The following CDH4 variants were observed in gnomAD, a reference collection of about 807,000 sequenced individuals.
CDH4 encodes the protein cadherin-4.
Under a neutral mutation model 86.0 loss-of-function variants are expected in CDH4, and 33 were observed. That is an observed-to-expected ratio of 0.38 (90% CI 0.29 to 0.51). CDH4 has a LOEUF of 0.51. Among genes scored for constraint, CDH4 ranks in the 20% least tolerant of loss-of-function variants. The pLI, the probability that CDH4 is intolerant of heterozygous loss-of-function variation, is 0.86. For synonymous variants in CDH4, 555 were observed against 549.4 expected (o/e 1.01, Z -0.14); for missense variants, 1,114 against 1,307.4 (o/e 0.85, Z 2.28).
intron 2 of CDH4, among the ~76,000 whole-genome samples, chr20:61,382,522 G>T (rs2084908993): frequency 6.6e-6 from 1 of 152,186 alleles, no homozygotes; most frequent in African/African-American, 2.4e-5. Flanking sequence ...CCTTCTATTG[G>T]CTTCCCAGGG....
chr20:61,537,454 CG>C (rs1272367927), intron 2 of CDH4, among the ~76,000 whole-genome samples: 1 of 152,078 alleles, frequency 6.6e-6, no homozygotes, highest in Non-Finnish European at 1.5e-5. Flanking sequence ...CAGGCCAGCT[CG>C]GGAGGGCAGG....
chr20:61,583,122 AGGCTCTGCGGGGGGACAGAG>A (rs1356053907), intron 2 of CDH4, among the ~76,000 whole-genome samples: 1 of 128,068 alleles, frequency 7.8e-6, no homozygotes, highest in Non-Finnish European at 1.6e-5. Context: ...GTGCAACAGA[AGGCTCTGCGGGGGGACAGAG>A]GGCTCTGCGG....
At chr20:61,843,266 A>C (rs985657206) in intron 4 of CDH4, among the ~76,000 whole-genome samples, 1 of 151,110 alleles carries the variant, frequency 6.6e-6, no homozygotes, top group Non-Finnish European at 1.5e-5. Flanking sequence ...CTGGCTAACA[A>C]GGTGAAACCC....
intron 7 of CDH4, among the ~76,000 whole-genome samples, chr20:61,890,302 A>C (rs372648732): frequency 6.7e-6 from 1 of 150,292 alleles, no homozygotes; most frequent in East Asian, 2.0e-4. Flanking sequence ...AGAAGGGTGG[A>C]TGGATGGATG....
intron 2 of CDH4, among the ~76,000 whole-genome samples, chr20:61,347,219 G>T (rs897690459): frequency 1.3e-5 from 2 of 152,198 alleles, no homozygotes; most frequent in African/African-American, 4.8e-5. Flanking sequence ...GGCCCTGCCC[G>T]CATTCAGAAG....
In CDH4 at chr20:61,930,153, C is replaced by T. The variant is rs6121851; in HGVS notation, c.2239+311C>T. ...AGCTGTTGCCCTCCAGGACCTGTGA[C>T]GCCTGTGGGCAGCTCCCAGGTGGAC... On this transcript the variant is annotated intron_variant, in intron 13 of 15. Coordinates refer to ENST00000614565, the MANE Select transcript of CDH4 (RefSeq NM_001794.5). 9.1e-3 allele frequency among the ~76,000 whole-genome samples: 1,385 copies of T among 152,312 alleles called. 21 individuals are homozygous for T. The highest frequency in any genetic ancestry group is 0.031 in the African/African-American group (1,296 of 41,554).
chr20:61,844,450 G>C (rs1434516870), intron 4 of CDH4, among the ~76,000 whole-genome samples: 4 of 152,058 alleles, frequency 2.6e-5, no homozygotes, highest in East Asian at 1.9e-4. Flanking sequence ...CTGAGTTACT[G>C]ACAGGCCCTA....
At chr20:61,547,954 TA>T (rs2086101231) in intron 2 of CDH4, among the ~76,000 whole-genome samples, 1 of 152,120 alleles carries the variant, frequency 6.6e-6, no homozygotes, top group Admixed American at 6.5e-5. Context: ...GTGAAATAAA[TA>T]AAAACAAAGT....
chr20:61,279,007 G>A (rs750360788), intron 2 of CDH4, among the ~76,000 whole-genome samples: 19 of 152,240 alleles, frequency 1.2e-4, no homozygotes, highest in African/African-American at 2.2e-4. Flanking sequence ...TGGGACCAGC[G>A]TGCTGAGAGT....
chr20:61,631,299 G>T (rs2086886013), intron 2 of CDH4, among the ~76,000 whole-genome samples: 1 of 152,166 alleles, frequency 6.6e-6, no homozygotes. Flanking sequence ...AGAAAACTAT[G>T]GACTGGAGCC....
At chr20:61,439,165 G>A (rs1207772153) in intron 2 of CDH4, among the ~76,000 whole-genome samples, 1 of 152,096 alleles carries the variant, frequency 6.6e-6, no homozygotes, top group Non-Finnish European at 1.5e-5. Flanking sequence ...CTTGGTGCTT[G>A]AAGTTGTGTT....
intron 2 of CDH4, among the ~76,000 whole-genome samples, chr20:61,728,293 A>G (rs2088138715): frequency 6.6e-6 from 1 of 152,224 alleles, no homozygotes; most frequent in Non-Finnish European, 1.5e-5. Flanking sequence ...GAAGCTCTTC[A>G]TAGCAAAAGC....
chr20:61,266,141 A>G (rs2123129818), intron 2 of CDH4, among the ~76,000 whole-genome samples: 1 of 152,300 alleles, frequency 6.6e-6, no homozygotes, highest in Admixed American at 6.5e-5. Flanking sequence ...CACCTTGCTA[A>G]CAGGAAGCTG....
At chr20:61,311,337 T>C (rs906324690) in intron 2 of CDH4, among the ~76,000 whole-genome samples, 5 of 152,150 alleles carry the variant, frequency 3.3e-5, no homozygotes, top group Non-Finnish European at 7.4e-5. Context: ...ATTTTAGAAA[T>C]AAATTTTATT....
intron 4 of CDH4, among the ~76,000 whole-genome samples, chr20:61,832,131 A>C (rs1330524971): frequency 6.6e-6 from 1 of 152,220 alleles, no homozygotes; most frequent in Non-Finnish European, 1.5e-5. Context: ...AGAGCCAATG[A>C]GTGTCTGCCC....
intron 2 of CDH4, among the ~76,000 whole-genome samples, chr20:61,352,886 G>A (rs2084721538): frequency 6.6e-6 from 1 of 152,158 alleles, no homozygotes; most frequent in African/African-American, 2.4e-5. Flanking sequence ...CTGCGGACAA[G>A]GAGTGTGTCA....
chr20:61,271,598 G>A (rs1008854823), intron 2 of CDH4, among the ~76,000 whole-genome samples: 1 of 152,226 alleles, frequency 6.6e-6, no homozygotes, highest in African/African-American at 2.4e-5. Flanking sequence ...TCTCAGGTCT[G>A]TGCTCACATC....
intron 4 of CDH4, among the ~76,000 whole-genome samples, chr20:61,837,268 G>A (rs564508789): frequency 1.3e-5 from 2 of 152,302 alleles, no homozygotes; most frequent in South Asian, 4.2e-4. Context: ...TGAGAGAAGG[G>A]GCCAGGATGT....
At chr20:61,294,605 C>A (rs140045994) in intron 2 of CDH4, among the ~76,000 whole-genome samples, 1 of 152,350 alleles carries the variant, frequency 6.6e-6, no homozygotes, top group Admixed American at 6.5e-5. Flanking sequence ...GGACCCCACA[C>A]ATGCTGGACA....
Sources: allele counts gnomAD v4.1 joint callset (sites outside exome capture counted in the v4.1 genomes callset), GRCh38; gene constraint gnomAD v4.1.1; transcripts MANE v1.5; gene names NCBI Gene and HGNC (gene_info 2026-07-23, HGNC 2026-07-21).